The following CSRP2 variants were observed in gnomAD, a reference collection of about 807,000 sequenced individuals.
CSRP2 encodes cysteine and glycine-rich protein 2.
Under a neutral mutation model 24.6 loss-of-function variants are expected in CSRP2, and 18 were observed. The observed-to-expected ratio is 0.73, with a 90% CI of 0.51 to 1.09. The LOEUF is 1.09. Among genes scored for constraint, CSRP2 ranks in the 50% least tolerant of loss-of-function variants. The pLI is 0.00. For missense variants in CSRP2, 215 were observed against 239.4 expected, an observed-to-expected ratio of 0.90 and a Z score of 0.67; for synonymous variants, 87 against 84.3, an observed-to-expected ratio of 1.03 and a Z score of -0.18.
At position 76,863,053 on chromosome 12, in the gene CSRP2, C is replaced by CAG. The variant is rs756547299; in HGVS notation, c.281+121_281+122dup. 1.2e-4 allele frequency: 171 copies of CAG among 1,451,654 alleles called. 1 individual carries two copies. The highest frequency in any genetic ancestry group is 1.5e-4 in the Non-Finnish European group (165 of 1,096,790). 89.9% of individuals were successfully genotyped at this position (1,451,654 alleles called of 1,614,324 possible). ...TTTGAACTAGTTGACATTAGAAAAT[C>CAG]AGAGTCCCATTTTATTTGCTTAGTT... On this transcript the variant is annotated intron_variant, in intron 3 of 5. Coordinates refer to ENST00000311083, the MANE Select transcript of CSRP2 (RefSeq NM_001321.3).
At chr12:76,861,381 T>TAAAA (rs1418843379) in intron 3 of CSRP2, 2 of 139,040 alleles carry the variant, frequency 1.4e-5, no homozygotes, top group Non-Finnish European at 3.1e-5. Flanking sequence ...TTTTTTTTTT[T>TAAAA]AAAAAAAGGA....
At chr12:76,870,696 CA>C (rs1236557489) in intron 1 of CSRP2, among the ~76,000 whole-genome samples, 2 of 151,526 alleles carry the variant, frequency 1.3e-5, no homozygotes, top group East Asian at 1.9e-4. Flanking sequence ...GTTGGATTTA[CA>C]TTTTTTTTTT....
intron 1 of CSRP2, among the ~76,000 whole-genome samples, chr12:76,867,356 AAAG>A (rs1953746019): frequency 6.6e-6 from 1 of 150,612 alleles, no homozygotes; most frequent in Non-Finnish European, 1.5e-5. Flanking sequence ...AAAAAAAAAA[AAAG>A]ATTAGCCGGG....
chr12:76,877,976 C>T (rs1565832332), intron 1 of CSRP2, among the ~76,000 whole-genome samples: 2 of 126,894 alleles, frequency 1.6e-5, no homozygotes, highest in African/African-American at 5.7e-5. Context: ...CCCCCCACCC[C>T]CCAAAAAAAA....
chr12:76,863,478 TCCCAA>T, intron 2 of CSRP2, 134 bp from the exon 3 acceptor site: 3 of 851,432 alleles, frequency 3.5e-6, no homozygotes, highest in Non-Finnish European at 5.3e-6. Flanking sequence ...TCCTGTGGCT[TCCCAA>T]AAGCCATGAG....
intron 1 of CSRP2, among the ~76,000 whole-genome samples, chr12:76,872,983 C>T (rs1442932829): frequency 6.6e-6 from 1 of 152,192 alleles, no homozygotes; most frequent in Non-Finnish European, 1.5e-5. Context: ...ACCATTAGTG[C>T]CGCATTTACT....
At chr12:76,873,260 CA>C (rs1462990337) in intron 1 of CSRP2, among the ~76,000 whole-genome samples, 1 of 152,188 alleles carries the variant, frequency 6.6e-6, no homozygotes, top group Non-Finnish European at 1.5e-5. Flanking sequence ...GAGCCACATC[CA>C]GGGGGAGTCA....
chr12:76,877,409 T>G (rs1329259353), intron 1 of CSRP2, among the ~76,000 whole-genome samples: 1 of 152,232 alleles, frequency 6.6e-6, no homozygotes, highest in Non-Finnish European at 1.5e-5. Flanking sequence ...GCATTAAAAA[T>G]TTATGATACG....
intron 1 of CSRP2, among the ~76,000 whole-genome samples, chr12:76,871,837 T>C (rs1319793665): frequency 6.6e-6 from 1 of 151,856 alleles, no homozygotes; most frequent in Admixed American, 6.6e-5. Flanking sequence ...GGACATTTCC[T>C]GAATTTGGCT....
At chr12:76,871,148 G>T (rs1388784255) in intron 1 of CSRP2, among the ~76,000 whole-genome samples, 4 of 151,942 alleles carry the variant, frequency 2.6e-5, no homozygotes, top group African/African-American at 9.7e-5. Context: ...CGCAACCTTG[G>T]GCTTCATTTT....
At chr12:76,864,549 T>C (rs927054677) in intron 2 of CSRP2, 1 of 152,202 alleles carries the variant, frequency 6.6e-6, no homozygotes. Context: ...GTGATTAACA[T>C]ACATTGTATG....
chr12:76,862,790 AATTTTC>A, intron 3 of CSRP2: 1 of 1,418,148 alleles, frequency 7.1e-7, no homozygotes, highest in Non-Finnish European at 9.2e-7. Flanking sequence ...GTGACTTAGG[AATTTTC>A]ATTGGCTGCT....
chr12:76,863,277 G>A lies in CSRP2; in HGVS notation c.180C>T (p.Ser60=), dbSNP rs201590630. 3 of 1,614,224 alleles carry A rather than the reference G, an allele frequency of 1.9e-6. No homozygotes were observed. Among genetic ancestry groups the A allele is most frequent in the African/African-American group, 2.7e-5 (2 of 75,060 alleles). ...AIHDEEIYCK[S]CYGKKYGPKG... ...TTGGCCCATACTTCTTTCCGTAGCA[G>A]GATTTGCAGTAGATCTCTTCATCGT... Residue 60 remains serine, a synonymous_variant, in exon 3 of 6, where the codon TCC becomes TCT. Transcript: ENST00000311083.
intron 3 of CSRP2, chr12:76,862,893 T>C (rs1490759807): frequency 6.5e-7 from 1 of 1,530,362 alleles, no homozygotes; most frequent in South Asian, 1.2e-5. Flanking sequence ...TCCAAGGTGC[T>C]GTGAAATTGA....
chr12:76,865,849 C>G, intron 2 of CSRP2: 1 of 350,812 alleles, frequency 2.9e-6, no homozygotes, highest in Non-Finnish European at 5.2e-6. Context: ...TGCTAGGTGC[C>G]AGACCACATA....
intron 1 of CSRP2, among the ~76,000 whole-genome samples, chr12:76,872,676 TG>T (rs1188215186): frequency 1.3e-5 from 2 of 152,220 alleles, no homozygotes; most frequent in African/African-American, 4.8e-5. Context: ...CTAAGCCCTA[TG>T]TAAATCAGAC....
chr12:76,867,332 TAAAAAAAAAA>T (rs33997080), intron 1 of CSRP2, among the ~76,000 whole-genome samples: 2 of 100,162 alleles, frequency 2.0e-5, no homozygotes, highest in African/African-American at 7.9e-5. Context: ...CTGCTAAATT[TAAAAAAAAAA>T]AAAAAAAAAA....
At chr12:76,865,482 A>C (rs933478875) in intron 2 of CSRP2, among the ~76,000 whole-genome samples, 1 of 152,206 alleles carries the variant, frequency 6.6e-6, no homozygotes. Context: ...GCTGGCTCCA[A>C]TGAGGGAAAA....
intron 1 of CSRP2, among the ~76,000 whole-genome samples, chr12:76,868,061 C>G (rs995316700): frequency 2.6e-5 from 4 of 152,204 alleles, no homozygotes; most frequent in Admixed American, 2.6e-4. Context: ...CCATCTCTTT[C>G]TTAGACCATG....
Sources: allele counts gnomAD v4.1 joint callset (sites outside exome capture counted in the v4.1 genomes callset), GRCh38; gene constraint gnomAD v4.1.1; transcripts MANE v1.5; gene names NCBI Gene and HGNC (gene_info 2026-07-23, HGNC 2026-07-21).